The following MYRIP variants were observed in gnomAD, a reference collection of about 807,000 sequenced individuals.
MYRIP encodes myosin VIIA and Rab interacting protein.
Under a neutral mutation model 98.0 loss-of-function variants are expected in MYRIP, and 49 were observed. That is an observed-to-expected ratio of 0.50 (90% CI 0.40 to 0.63). MYRIP has a LOEUF of 0.63. Ranked by LOEUF, MYRIP falls within the 30% of genes least tolerant of loss-of-function variation. The pLI is 0.00. For synonymous variants in MYRIP, 404 were observed against 409.5 expected, an observed-to-expected ratio of 0.99 and a Z score of 0.16; for missense variants, 1,004 against 1,058.2, an observed-to-expected ratio of 0.95 and a Z score of 0.71.
At chr3:40,022,692 T>C (rs1250758873) in intron 2 of MYRIP, among the ~76,000 whole-genome samples, 1 of 152,016 alleles carries the variant, frequency 6.6e-6, no homozygotes, top group African/African-American at 2.4e-5. Flanking sequence ...GAAGGTGCCA[T>C]TAAGGGTATT....
chr3:39,968,025 A>C (rs1945482762), intron 2 of MYRIP, among the ~76,000 whole-genome samples: 1 of 151,910 alleles, frequency 6.6e-6, no homozygotes, highest in African/African-American at 2.4e-5. Flanking sequence ...CCCATTCTGT[A>C]GGTTGTCTAC....
chr3:40,029,981 G>A (rs371263325), intron 2 of MYRIP, among the ~76,000 whole-genome samples: 3 of 152,104 alleles, frequency 2.0e-5, no homozygotes, highest in African/African-American at 7.2e-5. Flanking sequence ...GATCACTTGA[G>A]CCCAGGAGTC....
chr3:39,883,661 A>G (rs1204291750), intron 1 of MYRIP, among the ~76,000 whole-genome samples: 1 of 152,048 alleles, frequency 6.6e-6, no homozygotes, highest in Non-Finnish European at 1.5e-5. Context: ...AAAAAAGAAA[A>G]TTTAGAGTTG....
intron 1 of MYRIP, among the ~76,000 whole-genome samples, chr3:39,893,674 T>TCA (rs66667492): frequency 0.055 from 8,021 of 147,090 alleles, 225 homozygotes; most frequent in African/African-American, 0.066. Context: ...TAAGTGGAAA[T>TCA]CACACACACA....
At chr3:40,156,804 T>C (rs1381026289) in intron 4 of MYRIP, among the ~76,000 whole-genome samples, 1 of 152,100 alleles carries the variant, frequency 6.6e-6, no homozygotes, top group Non-Finnish European at 1.5e-5. Context: ...TGTCTGTTGT[T>C]GGTGTATAAG....
At chr3:40,003,047 G>T (rs201578903) in intron 2 of MYRIP, among the ~76,000 whole-genome samples, 1 of 108,286 alleles carries the variant, frequency 9.2e-6, no homozygotes, top group Non-Finnish European at 2.1e-5. Flanking sequence ...TATAGATATA[G>T]AGACAGATAT....
intron 4 of MYRIP, among the ~76,000 whole-genome samples, chr3:40,159,461 C>G (rs957312637): frequency 1.1e-4 from 17 of 152,012 alleles, no homozygotes; most frequent in Non-Finnish European, 2.1e-4. Flanking sequence ...GTGAATCTGA[C>G]AATTATGTGT....
chr3:40,256,445 C>T (rs976123063), intron 16 of MYRIP, among the ~76,000 whole-genome samples: 4 of 151,284 alleles, frequency 2.6e-5, no homozygotes, highest in East Asian at 1.9e-4. Context: ...AGAAAATTCC[C>T]GACATCAAAA....
chr3:39,870,258 A>G (rs1224873834), intron 1 of MYRIP, among the ~76,000 whole-genome samples: 2 of 152,216 alleles, frequency 1.3e-5, no homozygotes, highest in Admixed American at 6.5e-5. Flanking sequence ...GAAAGAGGGA[A>G]GAAGGAGAGA....
intron 11 of MYRIP, among the ~76,000 whole-genome samples, chr3:40,220,599 T>C (rs1320616939): frequency 2.6e-5 from 4 of 152,180 alleles, no homozygotes; most frequent in Admixed American, 6.6e-5. Flanking sequence ...AGAATTAAGA[T>C]CTTTATAACT....
At chr3:40,218,610 T>TATTTTATATATATATATATATATATA (rs59924117) in intron 11 of MYRIP, among the ~76,000 whole-genome samples, 1 of 5,974 alleles carries the variant, frequency 1.7e-4, no homozygotes, top group African/African-American at 2.3e-4. Context: ...TATATATATA[T>TATTTTATATATATATATATATATATA]TTTATATATA....
In MYRIP at chr3:40,255,394, T is replaced by C. The variant is rs567544137; in HGVS notation, c.2548-2740T>C. 9.2e-5 allele frequency among the ~76,000 whole-genome samples: 14 copies of C among 152,348 alleles called. 1 individual carries two copies. The South Asian group carries it at 2.9e-3, about 32-fold the overall frequency. The stretch of plus-strand genomic sequence containing the variant: ...TAGTTGTACAACCTCGTGAACATAC[T>C]AAGTGCCACCAAATTGTTCACTTTA... On this transcript the variant is annotated intron_variant, in intron 16 of 16. Transcript: ENST00000302541.
At chr3:39,866,458 C>T (rs1942628363) in intron 1 of MYRIP, among the ~76,000 whole-genome samples, 1 of 152,114 alleles carries the variant, frequency 6.6e-6, no homozygotes, top group African/African-American at 2.4e-5. Flanking sequence ...CATTTACAAT[C>T]ACATCAAAAA....
At chr3:39,937,145 G>GGGCCTTCAAGTGACTATGGAT (rs1944671529) in intron 2 of MYRIP, among the ~76,000 whole-genome samples, 1 of 152,122 alleles carries the variant, frequency 6.6e-6, no homozygotes, top group East Asian at 1.9e-4. Flanking sequence ...CTTGCTGGAA[G>GGGCCTTCAAGTGACTATGGAT]GGCCTTCAAG....
chr3:39,919,618 A>G (rs1559522182), intron 2 of MYRIP, among the ~76,000 whole-genome samples: 1 of 152,024 alleles, frequency 6.6e-6, no homozygotes, highest in Non-Finnish European at 1.5e-5. Flanking sequence ...TGCTGTAACA[A>G]TATAAACAGA....
At chr3:39,841,847 A>T (rs552963843) in intron 1 of MYRIP, among the ~76,000 whole-genome samples, 1 of 152,200 alleles carries the variant, frequency 6.6e-6, no homozygotes, top group South Asian at 2.1e-4. Flanking sequence ...CTAGAGGGGC[A>T]CCCCGCAGAT....
chr3:40,191,686 G>T (rs1482958348), intron 10 of MYRIP, among the ~76,000 whole-genome samples: 1 of 152,156 alleles, frequency 6.6e-6, no homozygotes, highest in Non-Finnish European at 1.5e-5. Flanking sequence ...ATTTTATTTA[G>T]TCCAAGCTTC....
chr3:40,148,331 C>T (rs537836302), intron 3 of MYRIP, among the ~76,000 whole-genome samples: 2 of 152,218 alleles, frequency 1.3e-5, no homozygotes, highest in South Asian at 2.1e-4. Context: ...AGACTTTTCC[C>T]TTTCTTAGCT....
At chr3:39,848,941 T>C (rs187217975) in intron 1 of MYRIP, among the ~76,000 whole-genome samples, 350 of 152,322 alleles carry the variant, frequency 2.3e-3, no homozygotes, top group Non-Finnish European at 3.5e-3. Context: ...TGCCATAGCA[T>C]GTTCAGACCT....
Sources: gnomAD v4.1 joint callset for allele counts (sites outside exome capture counted in the v4.1 genomes callset) on GRCh38, gnomAD v4.1.1 for gene constraint, MANE v1.5 for transcripts, NCBI Gene and HGNC (gene_info 2026-07-23, HGNC 2026-07-21) for gene names.